Variants in PTPRN2 observed in about 807,000 individuals in gnomAD.
PTPRN2 encodes the protein receptor-type tyrosine-protein phosphatase N2.
PTPRN2 carries 74 observed loss-of-function variants against 118.8 expected under a neutral mutation model. That is an observed-to-expected ratio of 0.62 (90% CI 0.52 to 0.76). The LOEUF (loss-of-function observed/expected upper bound fraction) is 0.76, where lower values mean the gene tolerates loss of function less well. Ranked by LOEUF, PTPRN2 falls within the 30% of genes least tolerant of loss-of-function variation. The pLI, the probability that PTPRN2 is intolerant of heterozygous loss-of-function variation, is 0.00. For missense variants in PTPRN2, 1,481 were observed against 1,394.4 expected, an observed-to-expected ratio of 1.06 and a Z score of -0.99; for synonymous variants, 641 against 608.0, an observed-to-expected ratio of 1.05 and a Z score of -0.80.
chr7:158,574,335 T>A lies in PTPRN2; in HGVS notation c.112+13223A>T, dbSNP rs1212896367. ...AGCAAAATATTTTAATCATTAGTGATGTTTAATTTCTCATTCTCTTAAATT... is the reference window on the plus strand; with the variant it reads ...AGCAAAATATTTTAATCATTAGTGAAGTTTAATTTCTCATTCTCTTAAATT... On this transcript the variant is annotated intron_variant, in intron 1 of 22. Coordinates refer to ENST00000389418, the MANE Select transcript of PTPRN2 (RefSeq NM_002847.5). The surrounding 1 kb of genome is among the most constrained non-coding windows in gnomAD (Gnocchi z 4.6). Among the ~76,000 whole-genome samples the A allele has an allele frequency of 1.3e-5, 2 of 152,266 alleles. No homozygotes were observed. The highest frequency in any genetic ancestry group is 4.8e-5 in the African/African-American group (2 of 41,472).
At chr7:158,008,562 A>G (rs1453666040) in intron 11 of PTPRN2, among the ~76,000 whole-genome samples, 3 of 152,220 alleles carry the variant, frequency 2.0e-5, no homozygotes, top group Non-Finnish European at 4.4e-5. Flanking sequence ...TTTGTCTTCC[A>G]CTGATTCTTA....
intron 5 of PTPRN2, among the ~76,000 whole-genome samples, chr7:158,186,598 C>G (rs573836564): frequency 9.9e-5 from 15 of 151,058 alleles, no homozygotes; most frequent in African/African-American, 3.6e-4. Flanking sequence ...GGCATGAACG[C>G]ACCTGGGCCC....
At chr7:157,926,876 C>T (rs941384386) in intron 11 of PTPRN2, among the ~76,000 whole-genome samples, 3 of 152,198 alleles carry the variant, frequency 2.0e-5, no homozygotes, top group South Asian at 2.1e-4. Flanking sequence ...ATCCTGACAC[C>T]GGCTCACTGT....
At chr7:157,959,557 C>T (rs953855188) in intron 11 of PTPRN2, among the ~76,000 whole-genome samples, 5 of 152,284 alleles carry the variant, frequency 3.3e-5, no homozygotes, top group East Asian at 1.9e-4. Context: ...CCAAAGACGA[C>T]GTGCAGATGG....
At chr7:158,054,073 G>A (rs1488239882) in intron 11 of PTPRN2, among the ~76,000 whole-genome samples, 1 of 151,902 alleles carries the variant, frequency 6.6e-6, no homozygotes, top group East Asian at 1.9e-4. Context: ...GAGATGGAGA[G>A]ACCCCAGTGA....
chr7:158,239,673 G>C (rs1210715141), intron 3 of PTPRN2, among the ~76,000 whole-genome samples: 2 of 152,210 alleles, frequency 1.3e-5, no homozygotes, highest in East Asian at 3.9e-4. Flanking sequence ...CCTTCTCCCA[G>C]CAGCCCCGCT....
At chr7:158,219,510 AG>A (rs1828190029) in intron 3 of PTPRN2, among the ~76,000 whole-genome samples, 2 of 152,018 alleles carry the variant, frequency 1.3e-5, no homozygotes, top group East Asian at 1.9e-4. Context: ...TGGAAGAACT[AG>A]AAAAAAAAAG....
At chr7:158,536,761 C>T (rs1183867810) in intron 1 of PTPRN2, among the ~76,000 whole-genome samples, 1 of 150,716 alleles carries the variant, frequency 6.6e-6, no homozygotes, top group Non-Finnish European at 1.5e-5. Flanking sequence ...CCACCATCGA[C>T]AAGACGAGAC....
intron 11 of PTPRN2, chr7:158,031,057 A>G (rs916417564): frequency 6.6e-6 from 1 of 152,266 alleles, no homozygotes; most frequent in African/African-American, 2.4e-5. Flanking sequence ...GTATCTGCTG[A>G]AGGTCCACAG....
Position 158,517,463 on chromosome 7 carries a change from A to C in PTPRN2, c.113-27678T>G, listed in dbSNP as rs374924879. The stretch of plus-strand genomic sequence containing the variant: ...AAGTCTCCCTCAGTCCTTCCCAGAC[A>C]TCTCTTAAGGGGCCTGACTCTGCCT... On this transcript the variant is annotated intron_variant, in intron 1 of 22. Coordinates refer to ENST00000389418, the MANE Select transcript of PTPRN2 (RefSeq NM_002847.5). This position sits in a 1 kb window ranked among gnomAD's most constrained non-coding sequence, Gnocchi z 5.3. Among the ~76,000 whole-genome samples, 100 of 152,164 alleles carry C rather than the reference A, an allele frequency of 6.6e-4. 1 individual carries two copies. In the South Asian group the frequency reaches 0.02, roughly 31 times the overall value.
At chr7:158,352,036 G>A (rs1808008283) in intron 2 of PTPRN2, among the ~76,000 whole-genome samples, 1 of 122,910 alleles carries the variant, frequency 8.1e-6, no homozygotes, top group African/African-American at 3.1e-5. Context: ...CCTCCTGTCC[G>A]CTCCCCTCCT....
intron 3 of PTPRN2, among the ~76,000 whole-genome samples, chr7:158,257,431 C>T (rs1437986895): frequency 2.0e-5 from 3 of 152,272 alleles, no homozygotes; most frequent in South Asian, 2.1e-4. Context: ...GCTGTACGTG[C>T]GCTAAACGTC....
chr7:158,443,237 G>C (rs1432452982), intron 2 of PTPRN2, among the ~76,000 whole-genome samples: 1 of 152,160 alleles, frequency 6.6e-6, no homozygotes, highest in African/African-American at 2.4e-5. Flanking sequence ...ATCTTCCGTG[G>C]CTCAGCCCAG....
intron 2 of PTPRN2, among the ~76,000 whole-genome samples, chr7:158,389,133 G>A (rs576135185): frequency 4.6e-5 from 7 of 152,218 alleles, no homozygotes; most frequent in African/African-American, 9.6e-5. Context: ...GGAAACAGGC[G>A]TCCGAAGGGC....
At chr7:158,441,003 G>A (rs1817020688) in intron 2 of PTPRN2, among the ~76,000 whole-genome samples, 2 of 146,066 alleles carry the variant, frequency 1.4e-5, no homozygotes, top group Admixed American at 6.7e-5. Flanking sequence ...GGCAGTGATG[G>A]GGGTGGTGGT....
At position 157,548,804 on chromosome 7, in the gene PTPRN2, C is replaced by T. The variant is rs146461673; in HGVS notation, c.2976+142G>A. Reference sequence around the variant, plus strand: ...AGAAGTGACCCCGCCCATGCAAGGCCGGCATGGACGAGGCCGGTCAGAGCA... The same window carrying T: ...AGAAGTGACCCCGCCCATGCAAGGCTGGCATGGACGAGGCCGGTCAGAGCA... On this transcript the variant is annotated intron_variant, in intron 22 of 22. Coordinates refer to ENST00000389418, the MANE Select transcript of PTPRN2 (RefSeq NM_002847.5). 1,317 of 823,010 alleles carry T rather than the reference C, an allele frequency of 1.6e-3. 8 individuals are homozygous for T. In the African/African-American group the frequency reaches 0.02, roughly 13 times the overall value. 51.0% of individuals were successfully genotyped at this position (823,010 alleles called of 1,614,324 possible).
chr7:158,188,623 T>C lies in PTPRN2; in HGVS notation c.549+3704A>G, dbSNP rs1315060038. Among the ~76,000 whole-genome samples the C allele has an allele frequency of 9.9e-4, 62 of 62,390 alleles. 3 individuals are homozygous for C. The highest frequency in any genetic ancestry group is 3.1e-3 in the African/African-American group (57 of 18,232). 40.9% of individuals were successfully genotyped at this position (62,390 alleles called of 152,430 possible). Reference sequence around the variant, plus strand: ...GGGGAAGCCCGCCACGCTCGCCCCCTGATGGGGAAGGCCGCCACGCTCGCC... The same window carrying C: ...GGGGAAGCCCGCCACGCTCGCCCCCCGATGGGGAAGGCCGCCACGCTCGCC... On this transcript the variant is annotated intron_variant, in intron 5 of 22. Coordinates refer to ENST00000389418, the MANE Select transcript of PTPRN2 (RefSeq NM_002847.5).
At chr7:158,312,781 GCACACA>G (rs1295596870) in intron 3 of PTPRN2, among the ~76,000 whole-genome samples, 1 of 143,862 alleles carries the variant, frequency 7.0e-6, no homozygotes, top group African/African-American at 2.5e-5. Flanking sequence ...ACCCACACAC[GCACACA>G]CACCTGCACA....
chr7:157,654,724 T>A (rs756960166), intron 14 of PTPRN2, among the ~76,000 whole-genome samples: 1 of 152,210 alleles, frequency 6.6e-6, no homozygotes, highest in Non-Finnish European at 1.5e-5. Flanking sequence ...CATATGTGAA[T>A]GCCAAACACA....
Sources: gnomAD v4.1 joint callset for allele counts (sites outside exome capture counted in the v4.1 genomes callset) on GRCh38, gnomAD v4.1.1 for gene constraint, Gnocchi (gnomAD v3.1) non-coding constraint, MANE v1.5 for transcripts, NCBI Gene and HGNC (gene_info 2026-07-23, HGNC 2026-07-21) for gene names.